KDM5D: variants seen among roughly 807,000 people sequenced by gnomAD.
KDM5D encodes lysine-specific demethylase 5D.
Under a neutral mutation model 31.9 loss-of-function variants are expected in KDM5D, and 25 were observed. That is an observed-to-expected ratio of 0.78 (90% confidence interval 0.57 to 1.09). KDM5D has a LOEUF of 1.09. KDM5D is among the 50% of genes least tolerant of loss of function. The pLI is 0.00. For synonymous variants in KDM5D, 146 were observed against 122.3 expected (o/e 1.19, Z -1.28); for missense variants, 366 against 341.6 (o/e 1.07, Z -0.56).
intron 24 of KDM5D, 27 bp downstream of exon 24, chrY:19,707,120 G>A: frequency 2.5e-6 from 1 of 393,518 alleles, no homozygotes; most frequent in Non-Finnish European, 3.6e-6. Context: ...AGAAATATGA[G>A]GACAATGGCT....
At chrY:19,743,397 CA>C (rs1236142079) in intron 2 of KDM5D, among the ~76,000 whole-genome samples, 158 bp from the exon 3 acceptor site, 8 of 5,685 alleles carry the variant, frequency 1.4e-3, no homozygotes, top group Admixed American at 4.2e-3. Flanking sequence ...AGATTAACTG[CA>C]AAAAAAAAAA....
intron 19 of KDM5D, 170 bp downstream of exon 19, chrY:19,710,206 T>C: frequency 2.7e-6 from 1 of 374,011 alleles, no homozygotes; most frequent in Non-Finnish European, 3.7e-6. Flanking sequence ...CCTTGCATGC[T>C]GTACACACAG....
In KDM5D at chrY:19,721,304, G is replaced by A. The variant is rs1262574616; in HGVS notation, c.1379C>T (p.Ala460Val). 7.6e-6 allele frequency: 3 copies of A among 395,762 alleles called. No homozygotes were observed. Among genetic ancestry groups the A allele is most frequent in the African/African-American group, 6.2e-5 (1 of 16,152 alleles). Residue 460 changes from alanine (A) to valine (V), a missense_variant, in exon 12 of 27, where the codon GCG (alanine) becomes GTG (valine). Coordinates refer to ENST00000317961, the MANE Select transcript of KDM5D (RefSeq NM_004653.5). ...CACATTCAGGTTCCAACCACTGGTC[G>A]CATACTCCTGTTGGGTCAGAGATTT... ...QNLSPEEKEYATSGWNLNVMP... is the reference protein window; with the variant it reads ...QNLSPEEKEYVTSGWNLNVMP...
At chrY:19,733,144 G>T in intron 8 of KDM5D, among the ~76,000 whole-genome samples, 1 of 33,310 alleles carries the variant, frequency 3.0e-5, no homozygotes, top group South Asian at 6.6e-4. Flanking sequence ...ATTATAAAGG[G>T]TTATCTTAGA....
rs774046366 is a variant in KDM5D, at chrY:19,707,675, G to A, written c.3471C>T (p.Ala1157=). Residue 1157 remains alanine (A), a synonymous_variant, in exon 24 of 27, where the codon GCC becomes GCT. Coordinates refer to ENST00000317961, the MANE Select transcript of KDM5D (RefSeq NM_004653.5). ...GILQLRRTNS[A]KPSPLAPSLM... is the part of the protein sequence containing the mutation. The stretch of plus-strand genomic sequence containing the variant: ...GGGATGGTGCCAGTGGACTGGGCTT[G>A]GCTGAGTTGGTGCGACGCAGCTGCA... 1 of 396,910 alleles carries A rather than the reference G, an allele frequency of 2.5e-6. No homozygotes were observed. The highest frequency in any genetic ancestry group is 3.5e-6 in the Non-Finnish European group (1 of 282,439).
chrY:19,710,577 T>G, intron 18 of KDM5D, 105 bp from the exon 19 acceptor site: 6 of 192,999 alleles, frequency 3.1e-5, no homozygotes, highest in Non-Finnish European at 5.7e-5. Flanking sequence ...CACAAAGGTT[T>G]TTTTCTAAGT....
rs1423488604 is a variant in KDM5D at position 19,707,193 on chromosome Y, G to A, written c.3953C>T (p.Thr1318Ile). 2.5e-6 allele frequency: 1 copy of A among 396,545 alleles called. No homozygotes were observed. The highest frequency in any genetic ancestry group is 3.5e-6 in the Non-Finnish European group (1 of 281,785). ...GCCTTCTCTGATAGGGTCACAGGCAGTGGCTGAAGTGTAGACTGAGGCCTC... is the reference window on the plus strand; with the variant it reads ...GCCTTCTCTGATAGGGTCACAGGCAATGGCTGAAGTGTAGACTGAGGCCTC... ...PEEASVYTSA[T>I]ACDPIREGSG... The change falls in exon 24 of 27, where the codon ACT becomes ATT. Residue 1318 changes from threonine to isoleucine, a missense_variant. Physicochemically the swap from Thr to Ile is moderately conservative, Grantham distance 89. Transcript: ENST00000317961.
chrY:19,716,863 T>G, intron 13 of KDM5D, 148 bp from the exon 14 acceptor site: 2 of 164,648 alleles, frequency 1.2e-5, no homozygotes, highest in African/African-American at 1.7e-4. Flanking sequence ...AAAATGAGAT[T>G]GTGAATTTAA....
At chrY:19,711,876 GCTTC>G (rs777397850) in intron 18 of KDM5D, among the ~76,000 whole-genome samples, 38 of 32,797 alleles carry the variant, frequency 1.2e-3, no homozygotes, top group African/African-American at 4.4e-3. Context: ...TATTTAAAAA[GCTTC>G]CTTATCAGTT....
At chrY:19,731,001 T>A in intron 11 of KDM5D, among the ~76,000 whole-genome samples, 1 of 33,695 alleles carries the variant, frequency 3.0e-5, no homozygotes, top group Non-Finnish European at 7.4e-5. Flanking sequence ...TAAGACTTCC[T>A]AAAAATGTTA....
intron 11 of KDM5D, among the ~76,000 whole-genome samples, chrY:19,730,932 C>T: frequency 6.0e-5 from 2 of 33,109 alleles, no homozygotes; most frequent in African/African-American, 1.2e-4. Flanking sequence ...TATAAAATAG[C>T]GCTTATCCAG....
chrY:19,708,480 T>G (rs762419999), intron 21 of KDM5D, 57 bp from the exon 22 acceptor site: 1 of 248,668 alleles, frequency 4.0e-6, no homozygotes, highest in East Asian at 1.1e-4. Flanking sequence ...GTGTCTAAAT[T>G]TGTCCTAAGT....
chrY:19,728,649 C>T (rs1041783357), intron 11 of KDM5D, among the ~76,000 whole-genome samples: 2 of 32,949 alleles, frequency 6.1e-5, no homozygotes, highest in South Asian at 1.4e-3. Flanking sequence ...TGAGCCACTG[C>T]GCCTGGGCTT....
chrY:19,709,465 G>A lies in KDM5D; in HGVS notation c.2928C>T (p.Phe976=). 2.5e-6 allele frequency: 1 copy of A among 398,862 alleles called. No individual in the cohort carries two copies. Residue 976 remains phenylalanine, a synonymous_variant, in exon 20 of 27, where the codon TTC becomes TTT. Transcript: ENST00000317961. ...CTACGCCCCACCTGGCCTCCAGGCAGAAATGAGCCTTTTCTTCCCAGCGCT... is the reference window on the plus strand; with the variant it reads ...CTACGCCCCACCTGGCCTCCAGGCAAAAATGAGCCTTTTCTTCCCAGCGCT... ...IAERWEEKAH[F]CLEARQKHPP...
chrY:19,708,432 G>A lies in KDM5D; in HGVS notation c.3082-9C>T, dbSNP rs1197222954. 2.7e-6 allele frequency: 1 copy of A among 363,696 alleles called. No homozygotes were observed. The allele number at this position is 363,696 out of a possible 400,897, so 90.7% of individuals were successfully genotyped here. ...GGGTAGTGGTCACCATTCTGGAATA[G>A]GGGAAAGAAACTTTATTTAAATTAT... On this transcript the variant is annotated splice_polypyrimidine_tract_variant and intron_variant, in intron 21 of 26. Transcript: ENST00000317961.
chrY:19,743,906 TTAA>T (rs2045577697), intron 2 of KDM5D, among the ~76,000 whole-genome samples: 1 of 33,632 alleles, frequency 3.0e-5, no homozygotes, highest in Non-Finnish European at 7.3e-5. Context: ...TGGTCTACGT[TTAA>T]TAATAAATTT....
intron 11 of KDM5D, among the ~76,000 whole-genome samples, chrY:19,722,722 TAAAG>T (rs2045402833): frequency 3.3e-5 from 1 of 29,932 alleles, no homozygotes; most frequent in Non-Finnish European, 8.1e-5. Flanking sequence ...GAGCAAAAGA[TAAAG>T]AAAATGAAAT....
chrY:19,723,140 C>A (rs72613049), intron 11 of KDM5D, among the ~76,000 whole-genome samples: 1 of 33,276 alleles, frequency 3.0e-5, no homozygotes, highest in South Asian at 6.7e-4. Context: ...TGGAACAGAA[C>A]AGAAAACTCA....
At position 19,741,312 on chromosome Y, in the gene KDM5D, C is replaced by A; in HGVS notation, c.522+6G>T. The A allele has an allele frequency of 2.5e-6, 1 of 392,602 alleles. No individual in the cohort carries two copies. Among genetic ancestry groups the A allele is most frequent in the Non-Finnish European group, 3.6e-6 (1 of 278,404 alleles). On this transcript the variant is annotated splice_donor_region_variant and intron_variant, in intron 5 of 26. Transcript: ENST00000317961. ...TCAGGCCACAAACCAGTTTAAGGGC[C>A]CTCACCACATGGTTGGCTCCAGACT...
Sources: gnomAD v4.1 joint callset for allele counts (sites outside exome capture counted in the v4.1 genomes callset) on GRCh38, gnomAD v4.1.1 for gene constraint, MANE v1.5 for transcripts, NCBI Gene and HGNC (gene_info 2026-07-23, HGNC 2026-07-21) for gene names.